PRPF18: variants seen among roughly 807,000 people sequenced by gnomAD.
PRPF18 encodes the protein pre-mRNA processing factor 18.
A neutral mutation model predicts 46.5 loss-of-function variants in PRPF18; 38 were observed. The observed-to-expected ratio is 0.82, with a 90% CI of 0.63 to 1.07. The LOEUF is 1.07. Ranked by LOEUF, PRPF18 falls within the 50% of genes least tolerant of loss-of-function variation. The pLI, the probability that PRPF18 is intolerant of heterozygous loss-of-function variation, is 0.00. For missense variants in PRPF18, 263 were observed against 410.0 expected (o/e 0.64, Z 3.10); for synonymous variants, 152 against 146.7 (o/e 1.04, Z -0.26).
At chr10:13,602,591 T>C (rs968138750) in intron 3 of PRPF18, among the ~76,000 whole-genome samples, 8 of 151,892 alleles carry the variant, frequency 5.3e-5, no homozygotes, top group Non-Finnish European at 1.2e-4. Context: ...TTAATTTTTT[T>C]CCACTACCTT....
intron 4 of PRPF18, among the ~76,000 whole-genome samples, chr10:13,607,141 G>C (rs72767545): frequency 0.014 from 2,100 of 152,228 alleles, 31 homozygotes; most frequent in Non-Finnish European, 0.023. Context: ...ACCTACGCTG[G>C]AATGCGGTGG....
Position 13,592,078 on chromosome 10 carries a change from TCTTTTC to T in PRPF18, c.66+4927_66+4932del, listed in dbSNP as rs2079971123. 8.6e-6 allele frequency: 5 copies of T among 582,744 alleles called. No individual in the cohort carries two copies. The East Asian group carries it at 1.2e-4, about 14-fold the overall frequency. 36.1% of individuals were successfully genotyped at this position (582,744 alleles called of 1,614,324 possible). On this transcript the variant is annotated intron_variant, in intron 1 of 9. Transcript: ENST00000378572. ...GTAACAGTTGCAAGAACCTTCTTTT[TCTTTTC>T]AACCTCGTACTTAGCGGCTGAGTAC...
At chr10:13,633,038 G>C (rs1452994817), downstream of PRPF18, among the ~76,000 whole-genome samples, 2 of 152,202 alleles carry the variant, frequency 1.3e-5, no homozygotes, top group African/African-American at 2.4e-5. Flanking sequence ...TGCAAAGACA[G>C]AGCAGTATTT....
At chr10:13,593,519 A>C (rs1758261699) in intron 1 of PRPF18, among the ~76,000 whole-genome samples, 1 of 152,244 alleles carries the variant, frequency 6.6e-6, no homozygotes, top group African/African-American at 2.4e-5. Context: ...GGATTAGATT[A>C]AACAGTTTAA....
At chr10:13,604,863 C>T (rs2080162265) in intron 3 of PRPF18, among the ~76,000 whole-genome samples, 2 of 152,146 alleles carry the variant, frequency 1.3e-5, no homozygotes, top group Admixed American at 1.3e-4. Flanking sequence ...TTACTATTGT[C>T]TTTCCATTGT....
chr10:13,587,062 C>T lies in PRPF18; in HGVS notation c.-25C>T, dbSNP rs1483283667. On this transcript the variant is annotated 5_prime_UTR_variant, in exon 1 of 10. Transcript: ENST00000378572. ...GGGTTCGAGGAGCTGGAGCGGGAAACTGGAGCTTAAATTCTGGCGGCGAGA... is the reference window on the plus strand; with the variant it reads ...GGGTTCGAGGAGCTGGAGCGGGAAATTGGAGCTTAAATTCTGGCGGCGAGA... 6.2e-7 allele frequency: 1 copy of T among 1,612,548 alleles called. No homozygotes were observed. Among genetic ancestry groups the T allele is most frequent in the Non-Finnish European group, 8.5e-7 (1 of 1,178,634 alleles).
intron 4 of PRPF18, among the ~76,000 whole-genome samples, chr10:13,609,020 C>G (rs761521376): frequency 1.3e-5 from 2 of 152,190 alleles, no homozygotes; most frequent in Non-Finnish European, 2.9e-5. Flanking sequence ...GGTGATCAGT[C>G]AGTGTTTGAG....
the PRPF18 span, among the ~76,000 whole-genome samples, chr10:13,636,400 C>G: frequency 6.6e-6 from 1 of 152,140 alleles, no homozygotes; most frequent in Admixed American, 6.5e-5. Flanking sequence ...GCCTGGGTGA[C>G]AGAGTGAGAC....
At chr10:13,611,102 T>G (rs1314793951) in intron 5 of PRPF18, among the ~76,000 whole-genome samples, 1 of 152,108 alleles carries the variant, frequency 6.6e-6, no homozygotes, top group Non-Finnish European at 1.5e-5. Flanking sequence ...GAGGAAGACG[T>G]CATTTTAATC....
downstream of PRPF18, among the ~76,000 whole-genome samples, chr10:13,634,056 A>AG: frequency 6.6e-6 from 1 of 152,328 alleles, no homozygotes. Flanking sequence ...TGGAATAGCT[A>AG]GGGAGGGCAG....
intron 2 of PRPF18, among the ~76,000 whole-genome samples, chr10:13,600,014 A>G (rs2080083650): frequency 6.6e-6 from 1 of 152,154 alleles, no homozygotes; most frequent in Non-Finnish European, 1.5e-5. Flanking sequence ...CTTTTATAGC[A>G]AGAATGCTGA....
At chr10:13,650,660 GCCTAAGTCCCTGT>G in the PRPF18 span, among the ~76,000 whole-genome samples, 1 of 152,122 alleles carries the variant, frequency 6.6e-6, no homozygotes, top group Non-Finnish European at 1.5e-5. Flanking sequence ...TCCTTCCAAA[GCCTAAGTCCCTGT>G]CCTAATTGCC....
chr10:13,640,054 G>C, the PRPF18 span: 84,927 of 151,948 alleles, frequency 0.56, 24,131 homozygotes, highest in East Asian at 0.79. Context: ...AGCCGGTGGC[G>C]CCTCTTCAGA....
chr10:13,620,809 C>T (rs1397046698), intron 9 of PRPF18, among the ~76,000 whole-genome samples: 3 of 152,170 alleles, frequency 2.0e-5, no homozygotes, highest in African/African-American at 7.2e-5. Context: ...TTTATGCAAA[C>T]CTCTGTAGAA....
chr10:13,626,146 A>T (rs2134016997), intron 9 of PRPF18, among the ~76,000 whole-genome samples: 1 of 152,336 alleles, frequency 6.6e-6, no homozygotes, highest in South Asian at 2.1e-4. Context: ...CATCCAAAGA[A>T]AAAGATCCAA....
At chr10:13,613,674 G>A in intron 6 of PRPF18, 67 bp from the exon 7 acceptor site, 1 of 1,492,576 alleles carries the variant, frequency 6.7e-7, no homozygotes, top group Non-Finnish European at 9.1e-7. Flanking sequence ...TTGTGTGCTA[G>A]AGAGCATTTA....
At chr10:13,615,905 C>G (rs550146930) in intron 8 of PRPF18, among the ~76,000 whole-genome samples, 2 of 152,122 alleles carry the variant, frequency 1.3e-5, no homozygotes, top group Admixed American at 6.5e-5. Flanking sequence ...GTGTGGTCGT[C>G]GGCACATACT....
intron 9 of PRPF18, among the ~76,000 whole-genome samples, chr10:13,619,797 A>T (rs573659888): frequency 6.6e-6 from 1 of 151,970 alleles, no homozygotes; most frequent in Admixed American, 6.6e-5. Flanking sequence ...TATGGTTCCA[A>T]TGTTGCTGGA....
chr10:13,600,163 T>C (rs2080085815), intron 2 of PRPF18, 81 bp from the exon 3 acceptor site: 1 of 1,139,320 alleles, frequency 8.8e-7, no homozygotes. Flanking sequence ...CATGTTTAAC[T>C]TCCATAGCTA....
Sources: allele counts gnomAD v4.1 joint callset (sites outside exome capture counted in the v4.1 genomes callset), GRCh38; gene constraint gnomAD v4.1.1; transcripts MANE v1.5; gene names NCBI Gene and HGNC (gene_info 2026-07-23, HGNC 2026-07-21).